The following VPS41 variants were observed in gnomAD, a reference collection of about 807,000 sequenced individuals.
VPS41 encodes vacuolar protein sorting-associated protein 41 homolog.
Under a neutral mutation model 130.9 loss-of-function variants are expected in VPS41, and 85 were observed. That is an observed-to-expected ratio of 0.65 (90% confidence interval 0.55 to 0.78). VPS41 has a LOEUF of 0.78. Among genes scored for constraint, VPS41 ranks in the 30% least tolerant of loss-of-function variants. The pLI, the probability that VPS41 is intolerant of heterozygous loss-of-function variation, is 0.00. For synonymous variants in VPS41, 335 were observed against 332.9 expected (o/e 1.01, Z -0.07); for missense variants, 874 against 1,018.7 (o/e 0.86, Z 1.93).
intron 27 of VPS41, 151 bp from the exon 28 acceptor site, chr7:38,727,139 T>G (rs1370530371): frequency 5.3e-5 from 31 of 580,808 alleles, no homozygotes; most frequent in Non-Finnish European, 1.6e-5. Context: ...TCCTGAGGGG[T>G]GGTATGATCA....
At chr7:38,883,586 G>C (rs1314112645) in intron 2 of VPS41, among the ~76,000 whole-genome samples, 1 of 152,006 alleles carries the variant, frequency 6.6e-6, no homozygotes, top group African/African-American at 2.4e-5. Context: ...TTTGTTTACT[G>C]TCTCCCTCAT....
chr7:38,907,497 G>A (rs1354103091), intron 1 of VPS41, among the ~76,000 whole-genome samples: 1 of 152,206 alleles, frequency 6.6e-6, no homozygotes, highest in Non-Finnish European at 1.5e-5. Context: ...AATATCAGAG[G>A]TGTTTCACCC....
In VPS41 at chr7:38,726,999, G is replaced by C. The variant is rs1196645240; in HGVS notation, c.2405-11C>G. On this transcript the variant is annotated splice_polypyrimidine_tract_variant and intron_variant, in intron 27 of 28. Transcript: ENST00000310301. Reference sequence around the variant, plus strand: ...AGGGCTTAGCTGCATCTGGCGAGGAGGGCAGAGAAAGGAGGAGAACTTAAT... The same window carrying C: ...AGGGCTTAGCTGCATCTGGCGAGGACGGCAGAGAAAGGAGGAGAACTTAAT... 6.5e-7 allele frequency: 1 copy of C among 1,530,792 alleles called. No individual in the cohort carries two copies. The highest frequency in any genetic ancestry group is 2.1e-5 in the Admixed American group (1 of 47,714). The allele number at this position is 1,530,792 out of a possible 1,614,324, so 94.8% of individuals were successfully genotyped here. A position where few individuals can be genotyped will look rare whatever the true frequency, so the allele number is the denominator to read the frequency against.
intron 17 of VPS41, among the ~76,000 whole-genome samples, chr7:38,760,745 T>C (rs1274016744): frequency 6.6e-6 from 1 of 152,076 alleles, no homozygotes; most frequent in Non-Finnish European, 1.5e-5. Flanking sequence ...TCTGTCTCAG[T>C]CACTTTTTGG....
At chr7:38,890,383 G>A (rs1451437701) in intron 2 of VPS41, among the ~76,000 whole-genome samples, 1 of 152,146 alleles carries the variant, frequency 6.6e-6, no homozygotes, top group African/African-American at 2.4e-5. Flanking sequence ...TTGGATGTGC[G>A]GCAAGGAGTG....
chr7:38,899,843 T>C (rs2116445796), intron 1 of VPS41, among the ~76,000 whole-genome samples: 1 of 152,346 alleles, frequency 6.6e-6, no homozygotes, highest in Admixed American at 6.5e-5. Flanking sequence ...GAGTACTCTT[T>C]CAGGAAAATC....
At chr7:38,844,545 T>C (rs1785682848) in intron 4 of VPS41, among the ~76,000 whole-genome samples, 1 of 152,042 alleles carries the variant, frequency 6.6e-6, no homozygotes, top group African/African-American at 2.4e-5. Context: ...ATAAAAATCA[T>C]CTGAGAATGT....
At chr7:38,899,203 A>C (rs1787087632) in intron 1 of VPS41, among the ~76,000 whole-genome samples, 1 of 152,156 alleles carries the variant, frequency 6.6e-6, no homozygotes, top group African/African-American at 2.4e-5. Context: ...CCATGGGTAA[A>C]ATGGGGATAT....
At chr7:38,875,439 C>T (rs1366708782) in intron 2 of VPS41, among the ~76,000 whole-genome samples, 5 of 152,126 alleles carry the variant, frequency 3.3e-5, no homozygotes, top group Admixed American at 3.3e-4. Context: ...GCCCACCACA[C>T]CTCATCCCAA....
chr7:38,894,439 C>A (rs1786935134), intron 2 of VPS41, among the ~76,000 whole-genome samples: 1 of 147,946 alleles, frequency 6.8e-6, no homozygotes. Context: ...CAGCGGGGGG[C>A]ACGGAGGCTA....
At chr7:38,726,509 C>T (rs1395832876) in intron 28 of VPS41, among the ~76,000 whole-genome samples, 183 bp from the exon 29 acceptor site, 1 of 152,148 alleles carries the variant, frequency 6.6e-6, no homozygotes, top group Admixed American at 6.5e-5. Flanking sequence ...TACTCTGTGA[C>T]TCCAAGGACA....
Position 38,803,398 on chromosome 7 carries a change from C to T in VPS41, c.451-6534G>A, listed in dbSNP as rs37479. Among the ~76,000 whole-genome samples the T allele has an allele frequency of 6.1e-3, 932 of 152,264 alleles. 8 individuals are homozygous for T. The highest frequency in any genetic ancestry group is 0.024 in the Middle Eastern group (7 of 294). ...GCTTTGAGGCAGACAAGAAAGTGGGCAAGATTCAGCAGGGGCTTCAGCCGA... is the reference window on the plus strand; with the variant it reads ...GCTTTGAGGCAGACAAGAAAGTGGGTAAGATTCAGCAGGGGCTTCAGCCGA... On this transcript the variant is annotated intron_variant, in intron 7 of 28. Transcript: ENST00000310301.
At chr7:38,781,508 A>G (rs952616380) in intron 10 of VPS41, among the ~76,000 whole-genome samples, 1 of 152,162 alleles carries the variant, frequency 6.6e-6, no homozygotes, top group Admixed American at 6.5e-5. Flanking sequence ...CTGCATTTTC[A>G]TGAAATTTTT....
At chr7:38,755,657 T>C (rs1253939071) in intron 19 of VPS41, among the ~76,000 whole-genome samples, 3 of 152,094 alleles carry the variant, frequency 2.0e-5, no homozygotes, top group South Asian at 2.1e-4. Context: ...GGTGTTGGAG[T>C]AGATTATCCC....
chr7:38,833,391 C>T (rs552549661), intron 4 of VPS41, among the ~76,000 whole-genome samples: 13 of 152,332 alleles, frequency 8.5e-5, no homozygotes, highest in Middle Eastern at 3.4e-3. Flanking sequence ...ATTTTTACTA[C>T]GACCTGACAG....
At chr7:38,872,447 G>A (rs988237901) in intron 2 of VPS41, among the ~76,000 whole-genome samples, 1 of 152,162 alleles carries the variant, frequency 6.6e-6, no homozygotes, top group Non-Finnish European at 1.5e-5. Flanking sequence ...ATCACTGGAG[G>A]CCATCATGCA....
Position 38,749,365 on chromosome 7 carries a change from A to T in VPS41, c.1926+2811T>A, listed in dbSNP as rs553471210. On this transcript the variant is annotated intron_variant, in intron 22 of 28. Transcript: ENST00000310301. The stretch of plus-strand genomic sequence containing the variant: ...AAGGAAGACAACCAAAGGAAAGACA[A>T]CCAAAATTAGAAAGATATAGTGTCT... Among the ~76,000 whole-genome samples, 6 of 152,332 alleles carry T rather than the reference A, an allele frequency of 3.9e-5. No individual in the cohort carries two copies. In the East Asian group the frequency reaches 1.2e-3, roughly 29 times the overall value.
intron 10 of VPS41, among the ~76,000 whole-genome samples, chr7:38,780,471 A>T (rs1327849253): frequency 6.6e-6 from 1 of 152,146 alleles, no homozygotes; most frequent in Non-Finnish European, 1.5e-5. Flanking sequence ...ATAACTCAAG[A>T]AAAAAGACAG....
chr7:38,740,583 A>G (rs1457097518), intron 25 of VPS41, among the ~76,000 whole-genome samples: 2 of 152,168 alleles, frequency 1.3e-5, no homozygotes, highest in South Asian at 2.1e-4. Context: ...ATATGCCTAT[A>G]TATCGTTAAG....
Sources: allele counts gnomAD v4.1 joint callset (sites outside exome capture counted in the v4.1 genomes callset), GRCh38; gene constraint gnomAD v4.1.1; transcripts MANE v1.5; gene names NCBI Gene and HGNC (gene_info 2026-07-23, HGNC 2026-07-21).